The following PARD3B variants were observed in gnomAD, a reference collection of about 807,000 sequenced individuals.
The protein encoded by PARD3B is partitioning defective 3 homolog B.
Under a neutral mutation model 130.2 loss-of-function variants are expected in PARD3B, and 103 were observed. That is an observed-to-expected ratio of 0.79 (90% confidence interval 0.67 to 0.93). PARD3B has a LOEUF of 0.93. Among genes scored for constraint, PARD3B ranks in the 40% least tolerant of loss-of-function variants. The probability of loss-of-function intolerance (pLI) is 0.00; values close to 1 mark genes in which losing one functional copy is unlikely to be tolerated. For synonymous variants in PARD3B, 583 were observed against 553.2 expected, an observed-to-expected ratio of 1.05 and a Z score of -0.76; for missense variants, 1,609 against 1,499.2, an observed-to-expected ratio of 1.07 and a Z score of -1.21.
At chr2:205,066,681 GA>G (rs1318713489) in intron 4 of PARD3B, among the ~76,000 whole-genome samples, 2 of 152,128 alleles carry the variant, frequency 1.3e-5, no homozygotes, top group African/African-American at 4.8e-5. Flanking sequence ...AACACATTTG[GA>G]AATCAGTGAT....
At chr2:204,651,271 T>C (rs934041281) in intron 1 of PARD3B, among the ~76,000 whole-genome samples, 26 of 152,190 alleles carry the variant, frequency 1.7e-4, no homozygotes, top group Admixed American at 1.4e-3. Flanking sequence ...CAAAAGCAAG[T>C]TAAGTTAGTT....
chr2:204,634,632 AT>A (rs1298282916), intron 1 of PARD3B, among the ~76,000 whole-genome samples: 35 of 152,056 alleles, frequency 2.3e-4, no homozygotes, highest in African/African-American at 7.7e-4. Context: ...TGCTGGTTGT[AT>A]TCTATGGTGT....
chr2:205,302,128 G>T (rs1009024164), intron 18 of PARD3B, among the ~76,000 whole-genome samples: 1 of 137,192 alleles, frequency 7.3e-6, no homozygotes, highest in Non-Finnish European at 1.5e-5. Context: ...GAGTGCAGTG[G>T]CGTGATCTCG....
intron 20 of PARD3B, among the ~76,000 whole-genome samples, chr2:205,477,916 G>T (rs1244555978): frequency 6.6e-6 from 1 of 152,152 alleles, no homozygotes; most frequent in Admixed American, 6.5e-5. Context: ...CATGCAGTAG[G>T]CACTTAGTAA....
chr2:205,217,897 T>A (rs1349876254), intron 15 of PARD3B, among the ~76,000 whole-genome samples: 1 of 112,432 alleles, frequency 8.9e-6, no homozygotes, highest in African/African-American at 3.3e-5. Flanking sequence ...TATATATATT[T>A]TTTTTTTTAT....
At chr2:205,487,590 G>A (rs941256575) in intron 20 of PARD3B, among the ~76,000 whole-genome samples, 5 of 152,176 alleles carry the variant, frequency 3.3e-5, no homozygotes, top group African/African-American at 9.7e-5. Flanking sequence ...GTACCCAGCT[G>A]TTGGGAATCA....
At chr2:204,815,624 T>C (rs1379083388) in intron 2 of PARD3B, among the ~76,000 whole-genome samples, 1 of 151,998 alleles carries the variant, frequency 6.6e-6, no homozygotes, top group East Asian at 1.9e-4. Flanking sequence ...TTGAGACCTT[T>C]CCTCTTATCT....
intron 2 of PARD3B, among the ~76,000 whole-genome samples, chr2:204,875,105 A>G (rs1377958795): frequency 1.3e-5 from 2 of 152,140 alleles, no homozygotes; most frequent in African/African-American, 2.4e-5. Context: ...TTACTAAAAT[A>G]TAACTTACAT....
rs1559523360 is a variant in PARD3B at position 205,187,881 on chromosome 2, G to A, written c.2024+2018G>A. Among the ~76,000 whole-genome samples the A allele has an allele frequency of 6.6e-6, 1 of 152,138 alleles. No homozygotes were observed. Among genetic ancestry groups the A allele is most frequent in the Admixed American group, 6.5e-5 (1 of 15,272 alleles). The stretch of plus-strand genomic sequence containing the variant: ...AACGGTAATCTCCTTTCAGTCAAAA[G>A]TATGACGTTGTCTTAGACTTCATTC... On this transcript the variant is annotated intron_variant, in intron 14 of 22. Transcript: ENST00000406610. The surrounding 1 kb of genome is among the most constrained non-coding windows in gnomAD (Gnocchi z 4.9).
At chr2:204,985,996 G>T (rs1005585398) in intron 3 of PARD3B, among the ~76,000 whole-genome samples, 1 of 150,604 alleles carries the variant, frequency 6.6e-6, no homozygotes, top group African/African-American at 2.4e-5. Context: ...AGCTACTCAG[G>T]AGGCTGAGGC....
At chr2:205,462,440 C>T (rs900924165) in intron 20 of PARD3B, among the ~76,000 whole-genome samples, 7 of 152,132 alleles carry the variant, frequency 4.6e-5, no homozygotes, top group Non-Finnish European at 8.8e-5. Context: ...GTAATTTGCA[C>T]AGATATAATA....
chr2:205,270,863 T>G (rs1035609714), intron 16 of PARD3B, among the ~76,000 whole-genome samples: 1 of 152,086 alleles, frequency 6.6e-6, no homozygotes, highest in African/African-American at 2.4e-5. Context: ...CCCAGACGGC[T>G]TTAACACATT....
At chr2:205,076,552 G>C (rs1701075781) in intron 4 of PARD3B, among the ~76,000 whole-genome samples, 1 of 152,076 alleles carries the variant, frequency 6.6e-6, no homozygotes, top group Non-Finnish European at 1.5e-5. Flanking sequence ...GACTAGTACT[G>C]GTCCATGGCC....
intron 20 of PARD3B, among the ~76,000 whole-genome samples, chr2:205,448,583 T>G (rs997813209): frequency 3.9e-5 from 6 of 152,240 alleles, no homozygotes; most frequent in African/African-American, 1.4e-4. Context: ...TATGGATTTT[T>G]GTACTCCAAT....
Position 205,224,370 on chromosome 2 carries a change from C to CAAAA in PARD3B, c.2141-21393_2141-21390dup, listed in dbSNP as rs1231030778. 5.7e-3 allele frequency among the ~76,000 whole-genome samples: 316 copies of CAAAA among 55,884 alleles called. 54 individuals are homozygous for CAAAA. Among genetic ancestry groups the CAAAA allele is most frequent in the African/African-American group, 0.021 (253 of 11,866 alleles). 36.7% of individuals were successfully genotyped at this position (55,884 alleles called of 152,430 possible). On this transcript the variant is annotated intron_variant, in intron 15 of 22. Coordinates refer to ENST00000406610, the MANE Select transcript of PARD3B (RefSeq NM_001302769.2). Reference sequence around the variant, plus strand: ...TGGGCCACAGAGCGAGACTCCGTCTCAAAAAAAAAAAAAAAAAAGAAAGAA... The same window carrying CAAAA: ...TGGGCCACAGAGCGAGACTCCGTCTCAAAAAAAAAAAAAAAAAAAAAAGAAAGAA...
At chr2:205,557,113 T>A (rs1199891077) in intron 22 of PARD3B, among the ~76,000 whole-genome samples, 2 of 152,132 alleles carry the variant, frequency 1.3e-5, no homozygotes, top group East Asian at 3.9e-4. Flanking sequence ...TAGAATCAAG[T>A]GTGGAGTCCT....
intron 3 of PARD3B, among the ~76,000 whole-genome samples, chr2:204,987,217 G>C (rs1002750253): frequency 3.3e-5 from 5 of 152,162 alleles, no homozygotes; most frequent in African/African-American, 1.2e-4. Context: ...GCACTTACTG[G>C]TAAAATGAAG....
At chr2:204,564,506 T>C (rs1461637508) in intron 1 of PARD3B, among the ~76,000 whole-genome samples, 4 of 149,090 alleles carry the variant, frequency 2.7e-5, no homozygotes, top group African/African-American at 1.0e-4. Flanking sequence ...ATGTGCGTTA[T>C]ATCTATATTT....
chr2:204,568,807 T>C (rs1335211516), intron 1 of PARD3B, among the ~76,000 whole-genome samples: 1 of 151,948 alleles, frequency 6.6e-6, no homozygotes, highest in Non-Finnish European at 1.5e-5. Context: ...ATACAAAAAT[T>C]AGCCAGATGT....
Sources: allele counts gnomAD v4.1 joint callset (sites outside exome capture counted in the v4.1 genomes callset), GRCh38; gene constraint gnomAD v4.1.1; non-coding constraint Gnocchi (gnomAD v3.1); transcripts MANE v1.5; gene names NCBI Gene and HGNC (gene_info 2026-07-23, HGNC 2026-07-21).